GLI3: variants seen among roughly 807,000 people sequenced by gnomAD.
The protein encoded by GLI3 is GLI family zinc finger 3.
In GLI3, 20 loss-of-function variants were observed where a neutral mutation model predicts 100.8. The observed-to-expected ratio is 0.20, with a 90% CI of 0.14 to 0.29. The LOEUF is 0.29. Ranked by LOEUF, GLI3 falls within the 10% of genes least tolerant of loss-of-function variation. The pLI is 1.00. For synonymous variants in GLI3, 938 were observed against 860.5 expected (o/e 1.09, Z -1.58); for missense variants, 2,040 against 2,128.5 (o/e 0.96, Z 0.82).
chr7:42,141,559 C>T (rs1786568106), intron 3 of GLI3, among the ~76,000 whole-genome samples: 1 of 152,188 alleles, frequency 6.6e-6, no homozygotes, highest in South Asian at 2.1e-4. Flanking sequence ...GTAATCCCAG[C>T]TGCTTGGGAG....
chr7:42,151,923 T>C (rs1786876508), intron 2 of GLI3: 1 of 151,712 alleles, frequency 6.6e-6, no homozygotes, highest in Non-Finnish European at 1.5e-5. Context: ...GTGGGGTCCT[T>C]GCAAGCAGTG....
Position 42,038,747 on chromosome 7 carries a change from A to C in GLI3, c.1028+1291T>G, listed in dbSNP as rs76345993. ...ATTTAAATATTAACTTGCCTACTGA[A>C]GAACATTGCTGATAATTGAACAAGA... On this transcript the variant is annotated intron_variant, in intron 7 of 14. Transcript: ENST00000395925. Among the ~76,000 whole-genome samples the C allele has an allele frequency of 3.1e-3, 478 of 152,368 alleles. 3 individuals carry two copies. The highest frequency in any genetic ancestry group is 0.011 in the African/African-American group (459 of 41,590).
At chr7:42,010,715 C>T (rs894844059) in intron 10 of GLI3, among the ~76,000 whole-genome samples, 1 of 152,174 alleles carries the variant, frequency 6.6e-6, no homozygotes, top group Non-Finnish European at 1.5e-5. Context: ...TAGTTAAGAA[C>T]ATCTAAAGGC....
At chr7:42,189,021 G>A (rs1787774582) in intron 2 of GLI3, among the ~76,000 whole-genome samples, 1 of 152,090 alleles carries the variant, frequency 6.6e-6, no homozygotes, top group South Asian at 2.1e-4. Flanking sequence ...TGTCCATGTT[G>A]GTTCACCAGT....
chr7:42,043,763 C>G (rs1784189634), intron 6 of GLI3, among the ~76,000 whole-genome samples: 1 of 152,220 alleles, frequency 6.6e-6, no homozygotes, highest in Non-Finnish European at 1.5e-5. Flanking sequence ...CACTGCCTGA[C>G]TAAACACATT....
intron 1 of GLI3, among the ~76,000 whole-genome samples, chr7:42,225,505 G>A (rs546135336): frequency 3.3e-5 from 5 of 152,112 alleles, no homozygotes; most frequent in South Asian, 2.1e-4. Flanking sequence ...GATTACAGGC[G>A]CCCACCACCA....
chr7:42,096,846 G>A (rs1785349043), intron 3 of GLI3, among the ~76,000 whole-genome samples: 2 of 152,226 alleles, frequency 1.3e-5, no homozygotes, highest in Admixed American at 6.5e-5. Context: ...TCAAAAGACT[G>A]TTGCCTAAAA....
In GLI3 at chr7:41,967,888, G is replaced by C; in HGVS notation, c.2139C>G (p.Cys713Trp). ...SQPSPGGQSS[C>W]SSQQSPISNY... The stretch of plus-strand genomic sequence containing the variant: ...TGCTGATGGGGGACTGTTGGCTGCT[G>C]CATGAAGACTGACCACCAGGGCTTG... Residue 713 changes from cysteine to tryptophan, a missense_variant, in exon 14 of 15, where the codon TGC becomes TGG. Physicochemically the swap from Cys to Trp is radical, Grantham distance 215. Around this residue, in one of 5 missense-constraint regions of GLI3, gnomAD observed 327 missense variants for 338.7 expected, o/e 0.97. Coordinates refer to ENST00000395925, the MANE Select transcript of GLI3 (RefSeq NM_000168.6). 6.2e-7 allele frequency: 1 copy of C among 1,614,130 alleles called. No individual in the cohort carries two copies. The highest frequency in any genetic ancestry group is 8.5e-7 in the Non-Finnish European group (1 of 1,180,006).
intron 3 of GLI3, among the ~76,000 whole-genome samples, chr7:42,117,959 G>A (rs780994186): frequency 5.9e-5 from 9 of 152,220 alleles, no homozygotes; most frequent in South Asian, 2.1e-4. Context: ...CCACTCTGAC[G>A]GTAAAATTCA....
chr7:42,166,079 C>G (rs1204017362), intron 2 of GLI3, among the ~76,000 whole-genome samples: 4 of 152,152 alleles, frequency 2.6e-5, no homozygotes, highest in Non-Finnish European at 5.9e-5. Flanking sequence ...GTCTGCAAGA[C>G]CAACTCCAAA....
At chr7:42,235,832 G>T (rs184506365) in intron 1 of GLI3, among the ~76,000 whole-genome samples, 1 of 152,326 alleles carries the variant, frequency 6.6e-6, no homozygotes, top group East Asian at 1.9e-4. Flanking sequence ...GGAACAGCTG[G>T]CAAAGAGCTG....
intron 3 of GLI3, among the ~76,000 whole-genome samples, chr7:42,109,742 A>C (rs545518160): frequency 3.3e-5 from 5 of 152,334 alleles, no homozygotes; most frequent in African/African-American, 1.2e-4. Flanking sequence ...CCTACTGACA[A>C]AGACAAATTC....
chr7:41,999,471 A>G (rs2094667467), intron 10 of GLI3, among the ~76,000 whole-genome samples: 1 of 152,152 alleles, frequency 6.6e-6, no homozygotes, highest in African/African-American at 2.4e-5. Flanking sequence ...TTAGGCAAAC[A>G]TCTTCCCATA....
At chr7:41,979,118 G>A (rs1205145583) in intron 10 of GLI3, among the ~76,000 whole-genome samples, 2 of 152,148 alleles carry the variant, frequency 1.3e-5, no homozygotes, top group African/African-American at 2.4e-5. Flanking sequence ...ATTTTTCCTT[G>A]CCAAGGCTGG....
upstream of GLI3, among the ~76,000 whole-genome samples, chr7:42,237,612 G>A (rs899082799): frequency 6.6e-6 from 1 of 150,462 alleles, no homozygotes; most frequent in Non-Finnish European, 1.5e-5. Context: ...AGTTTTAACA[G>A]ATGTTGCCGG....
rs116840768 is a variant in GLI3, at chr7:41,965,634, C to G, written c.3439G>C (p.Glu1147Gln). Residue 1147 changes from glutamate (E) to glutamine (Q), a missense_variant, in exon 15 of 15, where the codon GAG (glutamate) becomes CAG (glutamine). This residue lies in a region of GLI3 where 1,041 missense variants were observed against 924.0 expected (regional missense o/e 1.13). Coordinates refer to ENST00000395925, the MANE Select transcript of GLI3 (RefSeq NM_000168.6). ...SHAGQQFHAL[E>Q]QPCPEGSKTD... Reference sequence around the variant, plus strand: ...TTGCTGCCCTCGGGGCAGGGCTGCTCGAGGGCATGGAACTGCTGGCCAGCG... The same window carrying G: ...TTGCTGCCCTCGGGGCAGGGCTGCTGGAGGGCATGGAACTGCTGGCCAGCG... 3.7e-6 allele frequency: 6 copies of G among 1,611,250 alleles called. No individual in the cohort carries two copies. Among genetic ancestry groups the G allele is most frequent in the Non-Finnish European group, 5.1e-6 (6 of 1,178,118 alleles).
intron 10 of GLI3, among the ~76,000 whole-genome samples, chr7:41,997,865 T>C (rs748463831): frequency 2.0e-5 from 3 of 152,182 alleles, no homozygotes; most frequent in Non-Finnish European, 4.4e-5. Flanking sequence ...TCATTGTAGC[T>C]GCAGTTAAGC....
intron 1 of GLI3, among the ~76,000 whole-genome samples, chr7:42,246,621 A>ACAAAG (rs1562800144): frequency 2.9e-5 from 4 of 139,930 alleles, no homozygotes; most frequent in South Asian, 4.2e-4. Context: ...GAAAAACAAA[A>ACAAAG]CAAAACAAAA....
intron 10 of GLI3, among the ~76,000 whole-genome samples, chr7:42,012,113 A>G (rs542810690): frequency 1.3e-5 from 2 of 152,316 alleles, no homozygotes; most frequent in Non-Finnish European, 2.9e-5. Context: ...GGCCAGGGGA[A>G]AAAAGAAACG....
Sources: allele counts gnomAD v4.1 joint callset (sites outside exome capture counted in the v4.1 genomes callset), GRCh38; gene constraint gnomAD v4.1.1; regional missense constraint gnomAD v4.1.1; transcripts MANE v1.5; gene names NCBI Gene and HGNC (gene_info 2026-07-23, HGNC 2026-07-21).